The following CORO1C variants were observed in gnomAD, a reference collection of about 807,000 sequenced individuals.
CORO1C encodes the protein coronin 1C.
A neutral mutation model predicts 51.2 loss-of-function variants in CORO1C; 14 were observed. The ratio of observed to expected loss-of-function variants is 0.27; its 90% CI spans 0.18 to 0.43. The LOEUF is 0.43. Ranked by LOEUF, CORO1C falls within the 20% of genes least tolerant of loss-of-function variation. The pLI, the probability that CORO1C is intolerant of heterozygous loss-of-function variation, is 1.00. For synonymous variants in CORO1C, 181 were observed against 210.5 expected (o/e 0.86, Z 1.21); for missense variants, 417 against 607.8 (o/e 0.69, Z 3.30).
intron 2 of CORO1C, among the ~76,000 whole-genome samples, chr12:108,698,762 G>A (rs187539352): frequency 1.2e-4 from 19 of 152,290 alleles, no homozygotes; most frequent in Admixed American, 2.0e-4. Context: ...ACAGAGGAGC[G>A]GAAGGATAAA....
At chr12:108,648,523 C>A in intron 10 of CORO1C, 82 bp downstream of exon 10, 1 of 1,581,620 alleles carries the variant, frequency 6.3e-7, no homozygotes, top group South Asian at 1.1e-5. Context: ...GGACAGTACT[C>A]GCCGACGCCC....
chr12:108,688,794 G>A (rs879655684), intron 2 of CORO1C, among the ~76,000 whole-genome samples: 1 of 152,104 alleles, frequency 6.6e-6, no homozygotes, highest in Non-Finnish European at 1.5e-5. Flanking sequence ...CCAGCACTTT[G>A]GGAAACCAAG....
intron 1 of CORO1C, among the ~76,000 whole-genome samples, chr12:108,708,470 T>G (rs1316806990): frequency 6.6e-6 from 1 of 151,948 alleles, no homozygotes; most frequent in Non-Finnish European, 1.5e-5. Context: ...GAGTTTTTTT[T>G]TTTTTTTCTG....
chr12:108,720,956 T>C (rs1360242991), intron 1 of CORO1C, among the ~76,000 whole-genome samples: 1 of 152,224 alleles, frequency 6.6e-6, no homozygotes, highest in Non-Finnish European at 1.5e-5. Flanking sequence ...TAACATTTAT[T>C]GAACAGCTAC....
rs1303805575 is a variant in CORO1C, at chr12:108,647,143, A to G, written c.*260T>C. 2.9e-6 allele frequency: 1 copy of G among 340,990 alleles called. No individual in the cohort carries two copies. 21.1% of individuals were successfully genotyped at this position (340,990 alleles called of 1,614,324 possible). A position where few individuals can be genotyped will look rare whatever the true frequency, so the allele number is the denominator to read the frequency against. On this transcript the variant is annotated 3_prime_UTR_variant, in exon 11 of 11. Transcript: ENST00000261401. ...AAAGTAGCACTTTTTAAAAAGTTCA[A>G]CAAGTCACATAACACTTAAAACATC...
At position 108,702,906 on chromosome 12, in the gene CORO1C, C is replaced by T. The variant is rs747335016; in HGVS notation, c.-5-1583G>A. 3.3e-6 allele frequency: 5 copies of T among 1,535,688 alleles called. No individual in the cohort carries two copies. In the South Asian group the frequency reaches 6.0e-5, roughly 18 times the overall value. On this transcript the variant is annotated intron_variant, in intron 1 of 10. Transcript: ENST00000261401. ...TGAGCATCCACGTTCCTTAGCCCAG[C>T]TGTTATTGCCAGACTTTCCCAGCTG...
intron 2 of CORO1C, among the ~76,000 whole-genome samples, chr12:108,687,165 G>A (rs926939846): frequency 1.3e-5 from 2 of 152,194 alleles, no homozygotes; most frequent in African/African-American, 4.8e-5. Flanking sequence ...CGGGGAGAAA[G>A]TGAATGAAAA....
At chr12:108,650,180 C>A (rs934877494) in intron 8 of CORO1C, among the ~76,000 whole-genome samples, 3 of 80,412 alleles carry the variant, frequency 3.7e-5, no homozygotes, top group African/African-American at 1.4e-4. Flanking sequence ...AACCAAAAAC[C>A]TTTTTTTTTT....
At chr12:108,656,224 C>G (rs1479353449) in intron 6 of CORO1C, among the ~76,000 whole-genome samples, 1 of 149,916 alleles carries the variant, frequency 6.7e-6, no homozygotes, top group African/African-American at 2.5e-5. Flanking sequence ...CTCCGCCCGG[C>G]AGCCACCCCG....
At chr12:108,715,945 A>C (rs2035321178) in intron 1 of CORO1C, among the ~76,000 whole-genome samples, 1 of 151,738 alleles carries the variant, frequency 6.6e-6, no homozygotes, top group Non-Finnish European at 1.5e-5. Context: ...ATCCTGGCTA[A>C]CACGGTGAAA....
intron 3 of CORO1C, among the ~76,000 whole-genome samples, chr12:108,676,834 C>T (rs578032928): frequency 1.3e-5 from 2 of 151,566 alleles, no homozygotes; most frequent in South Asian, 2.1e-4. Context: ...TAACAAAATG[C>T]GTCCATAGCC....
In CORO1C at chr12:108,670,929, G is replaced by A. The variant is rs141208304; in HGVS notation, c.318+7343C>T. Among the ~76,000 whole-genome samples, 760 of 148,310 alleles carry A rather than the reference G, an allele frequency of 5.1e-3. 6 individuals carry two copies. The highest frequency in any genetic ancestry group is 8.0e-3 in the Non-Finnish European group (537 of 66,864). ...TTAGAAATAAATGAAGACAAACCAAGAAAGAACACAAGAGCAAATAAACAC... is the reference window on the plus strand; with the variant it reads ...TTAGAAATAAATGAAGACAAACCAAAAAAGAACACAAGAGCAAATAAACAC... On this transcript the variant is annotated intron_variant, in intron 3 of 10. Transcript: ENST00000261401.
At chr12:108,712,358 G>A (rs564078304) in intron 1 of CORO1C, among the ~76,000 whole-genome samples, 14 of 152,056 alleles carry the variant, frequency 9.2e-5, no homozygotes, top group South Asian at 4.2e-4. Context: ...TGGATTGCCC[G>A]AACTCAGGAA....
chr12:108,654,636 G>A (rs559820912), intron 6 of CORO1C, among the ~76,000 whole-genome samples: 8 of 151,906 alleles, frequency 5.3e-5, no homozygotes, highest in Admixed American at 2.0e-4. Context: ...AACATAATGC[G>A]CGCATACATC....
chr12:108,655,163 T>C (rs2032884006), intron 6 of CORO1C, among the ~76,000 whole-genome samples: 1 of 152,162 alleles, frequency 6.6e-6, no homozygotes, highest in African/African-American at 2.4e-5. Context: ...TTCCGACACA[T>C]GTACACAGAG....
chr12:108,693,090 G>A (rs1186456485), intron 2 of CORO1C, among the ~76,000 whole-genome samples: 3 of 151,834 alleles, frequency 2.0e-5, no homozygotes, highest in Non-Finnish European at 4.4e-5. Context: ...GAGCCACCGC[G>A]CCCGGCTAAA....
intron 2 of CORO1C, among the ~76,000 whole-genome samples, chr12:108,684,033 C>G (rs760562050): frequency 3.3e-5 from 5 of 152,266 alleles, no homozygotes; most frequent in Admixed American, 6.5e-5. Context: ...GTGAGTTGTT[C>G]TTTAAAAATG....
chr12:108,682,403 C>T (rs938689659), intron 2 of CORO1C, among the ~76,000 whole-genome samples: 11 of 152,004 alleles, frequency 7.2e-5, no homozygotes, highest in African/African-American at 2.4e-4. Context: ...TAGTTAATAC[C>T]AGAACAAACA....
At chr12:108,674,769 C>T (rs1232056499) in intron 3 of CORO1C, among the ~76,000 whole-genome samples, 2 of 152,230 alleles carry the variant, frequency 1.3e-5, no homozygotes, top group East Asian at 3.9e-4. Context: ...CATGATAAAA[C>T]TTGAACAGAT....
Sources: gnomAD v4.1 joint callset for allele counts (sites outside exome capture counted in the v4.1 genomes callset) on GRCh38, gnomAD v4.1.1 for gene constraint, MANE v1.5 for transcripts, NCBI Gene and HGNC (gene_info 2026-07-23, HGNC 2026-07-21) for gene names.